Variants in ASIC2 observed in about 807,000 individuals in gnomAD.
ASIC2 encodes the protein acid sensing ion channel subunit 2.
ASIC2 carries 25 observed loss-of-function variants against 57.3 expected under a neutral mutation model. The ratio of observed to expected loss-of-function variants is 0.44; its 90% CI spans 0.32 to 0.61. The LOEUF (loss-of-function observed/expected upper bound fraction) is 0.61, where lower values mean the gene tolerates loss of function less well. ASIC2 is among the 20% of genes least tolerant of loss of function. The pLI is 0.06. For synonymous variants in ASIC2, 319 were observed against 307.5 expected (o/e 1.04, Z -0.39); for missense variants, 641 against 738.1 (o/e 0.87, Z 1.52).
intron 5 of ASIC2, 143 bp downstream of exon 5, chr17:33,025,783 C>T: frequency 2.7e-6 from 2 of 739,404 alleles, no homozygotes; most frequent in Non-Finnish European, 4.1e-6. Context: ...ATCCCTGCAG[C>T]AACTCCACCC....
At chr17:33,232,503 T>TGGTATGGTATGGTAC (rs1555584469) in intron 1 of ASIC2, among the ~76,000 whole-genome samples, 4,413 of 133,888 alleles carry the variant, frequency 0.033, 128 homozygotes, top group African/African-American at 0.042. Flanking sequence ...TGGTACGGTA[T>TGGTATGGTATGGTAC]GGTATGGTAT....
chr17:33,917,624 T>C (rs1597929082), intron 1 of ASIC2, among the ~76,000 whole-genome samples: 1 of 152,216 alleles, frequency 6.6e-6, no homozygotes, highest in Admixed American at 6.5e-5. Context: ...TCTATTCTCA[T>C]GAATGAGTCT....
chr17:33,338,159 G>A (rs530154531), intron 1 of ASIC2, among the ~76,000 whole-genome samples: 19 of 151,810 alleles, frequency 1.3e-4, no homozygotes, highest in African/African-American at 4.6e-4. Context: ...GAGATGTTCT[G>A]TAATGGCAAG....
In ASIC2 at chr17:33,987,498, G is replaced by A. The variant is rs116797598; in HGVS notation, c.555+168480C>T. On this transcript the variant is annotated intron_variant, in intron 1 of 9. Transcript: ENST00000359872. ...GGCACCAAGAAGGCACTTGGAGACC[G>A]TCATATTCAGTCACCTCATTTGAAA... 9.9e-3 allele frequency among the ~76,000 whole-genome samples: 1,511 copies of A among 152,268 alleles called. 34 individuals are homozygous for A. The highest frequency in any genetic ancestry group is 0.034 in the African/African-American group (1,420 of 41,540).
intron 1 of ASIC2, among the ~76,000 whole-genome samples, chr17:33,674,382 AG>A (rs1453945676): frequency 6.6e-6 from 1 of 152,170 alleles, no homozygotes; most frequent in African/African-American, 2.4e-5. Flanking sequence ...CCTTGGCCCT[AG>A]GACAATTTTT....
At chr17:33,211,419 T>C (rs1185378291) in intron 1 of ASIC2, among the ~76,000 whole-genome samples, 1 of 151,630 alleles carries the variant, frequency 6.6e-6, no homozygotes, top group Admixed American at 6.6e-5. Flanking sequence ...CGTTAAACAT[T>C]AACCAGCGCA....
At chr17:33,403,194 A>G (rs984323419) in intron 1 of ASIC2, among the ~76,000 whole-genome samples, 20 of 152,196 alleles carry the variant, frequency 1.3e-4, no homozygotes, top group African/African-American at 4.8e-4. Context: ...AGAGCCTGTG[A>G]GAGCCTTTGG....
At chr17:33,538,620 C>A (rs1233956047) in intron 1 of ASIC2, among the ~76,000 whole-genome samples, 4 of 152,240 alleles carry the variant, frequency 2.6e-5, no homozygotes, top group Non-Finnish European at 5.9e-5. Context: ...TGTATCACCT[C>A]ATGTAGGAGC....
intron 1 of ASIC2, among the ~76,000 whole-genome samples, chr17:33,581,764 C>T (rs927697059): frequency 3.2e-4 from 48 of 152,306 alleles, no homozygotes; most frequent in African/African-American, 1.2e-3. Flanking sequence ...AAGGGATGGT[C>T]CCTGCTTGGT....
At position 33,022,530 on chromosome 17, in the gene ASIC2, G is replaced by A. The variant is rs1056105654; in HGVS notation, c.1350-1220C>T. ...TAAAGCCCACCCCCTGCACCCACTC[G>A]GCTCAGCCTACAAGACCCTCTTGCT... On this transcript the variant is annotated intron_variant, in intron 6 of 9. Coordinates refer to ENST00000225823, the MANE Select transcript of ASIC2 (RefSeq NM_183377.2). 2.6e-5 allele frequency among the ~76,000 whole-genome samples: 4 copies of A among 152,104 alleles called. No individual in the cohort carries two copies. The East Asian group carries it at 5.8e-4, about 22-fold the overall frequency.
intron 1 of ASIC2, among the ~76,000 whole-genome samples, chr17:33,649,964 C>T (rs1033563785): frequency 5.3e-5 from 8 of 151,794 alleles, no homozygotes; most frequent in African/African-American, 1.9e-4. Context: ...AAAGTGTGGT[C>T]CGTAAAGAAA....
chr17:33,925,248 C>A (rs1437035569), intron 1 of ASIC2, among the ~76,000 whole-genome samples: 1 of 152,230 alleles, frequency 6.6e-6, no homozygotes, highest in Non-Finnish European at 1.5e-5. Flanking sequence ...TATCTCCATA[C>A]CAACTTGCAC....
At chr17:33,207,757 G>T (rs1362505287) in intron 1 of ASIC2, among the ~76,000 whole-genome samples, 1 of 152,170 alleles carries the variant, frequency 6.6e-6, no homozygotes, top group African/African-American at 2.4e-5. Context: ...AGAAGTGCTA[G>T]AAAGTAGGTG....
intron 1 of ASIC2, chr17:34,000,735 T>TC (rs1412451173): frequency 6.6e-6 from 1 of 152,206 alleles, no homozygotes; most frequent in Non-Finnish European, 1.5e-5. Context: ...CTTGATGGTA[T>TC]CCCCCACGTC....
chr17:33,614,594 A>G (rs1262328686), intron 1 of ASIC2, among the ~76,000 whole-genome samples: 2 of 152,248 alleles, frequency 1.3e-5, no homozygotes, highest in East Asian at 3.8e-4. Flanking sequence ...TTGAAAACTT[A>G]TCTGCTATAT....
chr17:33,216,317 G>A lies in ASIC2; in HGVS notation c.708+75091C>T, dbSNP rs567793449. Among the ~76,000 whole-genome samples the A allele has an allele frequency of 2.6e-5, 4 of 152,336 alleles. No individual in the cohort carries two copies. In the East Asian group the frequency reaches 7.7e-4, roughly 29 times the overall value. On this transcript the variant is annotated intron_variant, in intron 1 of 9. Transcript: ENST00000225823. ...GAGTGATACATTAACGAAACCGTATGAGGGATAATCCATTCATTCAGCTGG... is the reference window on the plus strand; with the variant it reads ...GAGTGATACATTAACGAAACCGTATAAGGGATAATCCATTCATTCAGCTGG...
chr17:33,376,331 A>G (rs2141942600), intron 1 of ASIC2, among the ~76,000 whole-genome samples: 1 of 151,140 alleles, frequency 6.6e-6, no homozygotes, highest in East Asian at 2.0e-4. Flanking sequence ...TCCCCATCAA[A>G]TTGTGTAAGT....
intron 1 of ASIC2, among the ~76,000 whole-genome samples, chr17:33,362,915 C>T (rs1490453302): frequency 6.6e-6 from 1 of 152,174 alleles, no homozygotes; most frequent in East Asian, 1.9e-4. Flanking sequence ...TTTGGAATTG[C>T]CCATCTTACA....
chr17:33,144,485 T>C (rs8076559), intron 1 of ASIC2, among the ~76,000 whole-genome samples: 151,676 of 152,306 alleles, frequency 1, 75,533 homozygotes, highest in Middle Eastern at 1. Flanking sequence ...TTGAACCCTG[T>C]GAGATACCCT....
Sources: gnomAD v4.1 joint callset for allele counts (sites outside exome capture counted in the v4.1 genomes callset) on GRCh38, gnomAD v4.1.1 for gene constraint, MANE v1.5 for transcripts, NCBI Gene and HGNC (gene_info 2026-07-23, HGNC 2026-07-21) for gene names.